The following EIF4E3 variants were observed in gnomAD, a reference collection of about 807,000 sequenced individuals.
The protein encoded by EIF4E3 is eukaryotic translation initiation factor 4E family member 3.
Under a neutral mutation model 31.7 loss-of-function variants are expected in EIF4E3, and 26 were observed. That is an observed-to-expected ratio of 0.82 (90% CI 0.60 to 1.14). The LOEUF is 1.14. Ranked by LOEUF, EIF4E3 falls within the 50% of genes most tolerant of loss-of-function variation. EIF4E3 has a pLI of 0.00. For missense variants in EIF4E3, 304 were observed against 270.9 expected (o/e 1.12, Z -0.86); for synonymous variants, 128 against 107.7 (o/e 1.19, Z -1.17).
At chr3:71,727,415 T>C (rs1182682399), upstream of EIF4E3, among the ~76,000 whole-genome samples, 1 of 152,222 alleles carries the variant, frequency 6.6e-6, no homozygotes, top group Non-Finnish European at 1.5e-5. Flanking sequence ...TCAAAACATA[T>C]AGATCTACTT....
chr3:71,724,983 C>G (rs1251843713), intron 1 of EIF4E3, among the ~76,000 whole-genome samples: 1 of 152,042 alleles, frequency 6.6e-6, no homozygotes, highest in Non-Finnish European at 1.5e-5. Context: ...GGCCCGGAGG[C>G]GAGGACGCCG....
At chr3:71,739,004 ATATG>A (rs1263702111) in intron 1 of EIF4E3, among the ~76,000 whole-genome samples, 1 of 134,584 alleles carries the variant, frequency 7.4e-6, no homozygotes. Flanking sequence ...ATATATATAT[ATATG>A]GGTTAAAAAG....
intron 1 of EIF4E3, among the ~76,000 whole-genome samples, chr3:71,743,437 A>G (rs1021224532): frequency 2.0e-5 from 3 of 152,204 alleles, no homozygotes; most frequent in Admixed American, 1.3e-4. Context: ...TACAAGAACT[A>G]TACACTGGGA....
upstream of EIF4E3, among the ~76,000 whole-genome samples, chr3:71,725,821 C>T (rs1349669544): frequency 6.6e-6 from 1 of 151,940 alleles, no homozygotes; most frequent in African/African-American, 2.4e-5. The surrounding 1 kb of genome is among the most constrained non-coding windows in gnomAD (Gnocchi z 6.1). Context: ...CCCAGACCCA[C>T]GTGGTGCGAG....
At chr3:71,673,500 T>C (rs1376969342), downstream of EIF4E3, among the ~76,000 whole-genome samples, 1 of 152,024 alleles carries the variant, frequency 6.6e-6, no homozygotes, top group Admixed American at 6.6e-5. Context: ...AAAACAATAA[T>C]GAGATTAGTA....
chr3:71,715,361 T>C (rs1376296676), intron 1 of EIF4E3, among the ~76,000 whole-genome samples: 1 of 152,232 alleles, frequency 6.6e-6, no homozygotes, highest in Non-Finnish European at 1.5e-5. Context: ...ACAATGGTGA[T>C]CATTCTAGAA....
At chr3:71,665,579 A>T in the EIF4E3 span, among the ~76,000 whole-genome samples, 2 of 152,212 alleles carry the variant, frequency 1.3e-5, no homozygotes, top group African/African-American at 4.8e-5. Context: ...TTTTAACTGG[A>T]GCTGCCTTCT....
intron 6 of EIF4E3, among the ~76,000 whole-genome samples, chr3:71,688,658 A>C (rs949512938): frequency 1.3e-5 from 2 of 152,186 alleles, no homozygotes; most frequent in Non-Finnish European, 2.9e-5. Flanking sequence ...CCGTCTATAG[A>C]GTTTCTGCTA....
intron 1 of EIF4E3, among the ~76,000 whole-genome samples, chr3:71,738,645 C>T (rs2049788634): frequency 1.3e-5 from 2 of 152,000 alleles, no homozygotes; most frequent in Non-Finnish European, 2.9e-5. Context: ...ACAAGAGAGG[C>T]TCAAAATACA....
intron 1 of EIF4E3, among the ~76,000 whole-genome samples, chr3:71,747,796 A>T (rs2049888656): frequency 6.6e-6 from 1 of 152,202 alleles, no homozygotes; most frequent in Non-Finnish European, 1.5e-5. Context: ...TTTTTAAAAT[A>T]TATGGGGTGG....
chr3:71,681,818 TG>T lies in EIF4E3; in HGVS notation c.*2863del, dbSNP rs1289999312. 2 of 152,240 alleles carry T rather than the reference TG, an allele frequency of 1.3e-5. No homozygotes were observed. Among genetic ancestry groups the T allele is most frequent in the East Asian group, 3.8e-4 (2 of 5,200 alleles). 9.4% of individuals were successfully genotyped at this position (152,240 alleles called of 1,614,324 possible). ...TGTGACTGTGTGCATGGTGTAGACA[TG>T]GGCTAAACTCAAGAAGAGGGGTGAG... On this transcript the variant is annotated 3_prime_UTR_variant, in exon 7 of 7. Coordinates refer to ENST00000425534, the MANE Select transcript of EIF4E3 (RefSeq NM_001134651.2).
rs757276262 is a variant in EIF4E3, at chr3:71,690,046, G to A, written c.592C>T (p.Leu198=). ...ATVLEKIYEL[L]PHITFKAVFY... is the part of the protein sequence containing the mutation. Reference sequence around the variant, plus strand: ...ACTGCTTTAAAAGTTATGTGGGGCAGAAGTTCATAGATCTTTTCTAAAACA... The same window carrying A: ...ACTGCTTTAAAAGTTATGTGGGGCAAAAGTTCATAGATCTTTTCTAAAACA... The change falls in exon 6 of 7, where the codon CTG becomes TTG. Residue 198 remains leucine, a synonymous_variant. Transcript: ENST00000425534. The A allele has an allele frequency of 6.2e-7, 1 of 1,613,394 alleles. No homozygotes were observed. Among genetic ancestry groups the A allele is most frequent in the South Asian group, 1.1e-5 (1 of 90,990 alleles).
At chr3:71,706,114 A>G (rs538157033) in intron 2 of EIF4E3, among the ~76,000 whole-genome samples, 1 of 152,348 alleles carries the variant, frequency 6.6e-6, no homozygotes, top group African/African-American at 2.4e-5. Flanking sequence ...CCAGGCAGAG[A>G]GAATTATTGT....
At position 71,682,009 on chromosome 3, in the gene EIF4E3, G is replaced by T; in HGVS notation, c.*2673C>A. The T allele has an allele frequency of 6.6e-6, 1 of 152,152 alleles. No individual in the cohort carries two copies. The highest frequency in any genetic ancestry group is 1.9e-4 in the East Asian group (1 of 5,190). The allele number at this position is 152,152 out of a possible 1,614,324, so 9.4% of individuals were successfully genotyped here. ...TTAAGAAATGTGGAAAAGTTGGGGG[G>T]AAAGAGGAAATCTTAAAACTGAGTT... On this transcript the variant is annotated 3_prime_UTR_variant, in exon 7 of 7. Coordinates refer to ENST00000425534, the MANE Select transcript of EIF4E3 (RefSeq NM_001134651.2).
At chr3:71,695,194 C>T (rs1408582938) in intron 4 of EIF4E3, among the ~76,000 whole-genome samples, 1 of 152,102 alleles carries the variant, frequency 6.6e-6, no homozygotes, top group Non-Finnish European at 1.5e-5. Context: ...TTGAGAGCTG[C>T]GAGAGGCTGT....
chr3:71,746,362 A>G (rs1053527049), intron 1 of EIF4E3, among the ~76,000 whole-genome samples: 1 of 152,232 alleles, frequency 6.6e-6, no homozygotes, highest in Non-Finnish European at 1.5e-5. Context: ...GCTGTAATAT[A>G]AAGCTATTGG....
downstream of EIF4E3, among the ~76,000 whole-genome samples, chr3:71,671,467 G>A (rs1295519851): frequency 6.6e-6 from 1 of 152,142 alleles, no homozygotes; most frequent in African/African-American, 2.4e-5. Context: ...GCTCATTGCT[G>A]GAATCTAAAA....
intron 1 of EIF4E3, among the ~76,000 whole-genome samples, chr3:71,715,758 A>C (rs1047665912): frequency 1.3e-5 from 2 of 152,242 alleles, no homozygotes; most frequent in African/African-American, 4.8e-5. Flanking sequence ...TTAATGTAAT[A>C]ATGGCTCCCT....
At chr3:71,741,076 C>T (rs28655501) in intron 1 of EIF4E3, among the ~76,000 whole-genome samples, 13,519 of 152,080 alleles carry the variant, frequency 0.089, 887 homozygotes, top group African/African-American at 0.19. Flanking sequence ...GCAGAAGTTG[C>T]AGTGGATGTG....
Sources: allele counts gnomAD v4.1 joint callset (sites outside exome capture counted in the v4.1 genomes callset), GRCh38; gene constraint gnomAD v4.1.1; non-coding constraint Gnocchi (gnomAD v3.1); transcripts MANE v1.5; gene names NCBI Gene and HGNC (gene_info 2026-07-23, HGNC 2026-07-21).